Variants in DCBLD2 observed in about 807,000 individuals in gnomAD.
DCBLD2 encodes discoidin, CUB and LCCL domain-containing protein 2.
DCBLD2 carries 54 observed loss-of-function variants against 86.8 expected under a neutral mutation model. The ratio of observed to expected loss-of-function variants is 0.62; its 90% CI spans 0.50 to 0.78. The LOEUF (loss-of-function observed/expected upper bound fraction) is 0.78. Among genes scored for constraint, DCBLD2 ranks in the 30% least tolerant of loss-of-function variants. The pLI is 0.00. For missense variants in DCBLD2, 908 were observed against 954.2 expected (o/e 0.95, Z 0.64); for synonymous variants, 354 against 341.3 (o/e 1.04, Z -0.41).
intron 3 of DCBLD2, among the ~76,000 whole-genome samples, chr3:98,844,274 TTTTA>T (rs1942679110): frequency 6.6e-6 from 1 of 151,992 alleles, no homozygotes; most frequent in Admixed American, 6.6e-5. Flanking sequence ...ATAAAATTCA[TTTTA>T]TTTTTCAATT....
intron 14 of DCBLD2, 137 bp from the exon 15 acceptor site, chr3:98,800,853 C>A: frequency 4.7e-6 from 4 of 842,550 alleles, no homozygotes; most frequent in Non-Finnish European, 7.0e-6. Context: ...TATAATCCAA[C>A]TTTTTTTTTT....
chr3:98,880,982 G>A (rs558839062), intron 2 of DCBLD2, among the ~76,000 whole-genome samples: 6 of 152,136 alleles, frequency 3.9e-5, no homozygotes, highest in Admixed American at 3.3e-4. Flanking sequence ...AGTGGTTTAC[G>A]CCTGTAATCC....
intron 3 of DCBLD2, among the ~76,000 whole-genome samples, chr3:98,826,426 C>T (rs1348356514): frequency 6.6e-6 from 1 of 152,252 alleles, no homozygotes; most frequent in Admixed American, 6.5e-5. Context: ...CTCAGCTTCA[C>T]TGCCACTTCC....
intron 2 of DCBLD2, among the ~76,000 whole-genome samples, chr3:98,866,561 T>C: frequency 6.6e-6 from 1 of 152,170 alleles, no homozygotes; most frequent in East Asian, 1.9e-4. Context: ...GGGGTTGTTT[T>C]TTTCTTGTAA....
chr3:98,846,337 G>C lies in DCBLD2; in HGVS notation c.571+3124C>G, dbSNP rs1942722034. Among the ~76,000 whole-genome samples, 4 of 152,078 alleles carry C rather than the reference G, an allele frequency of 2.6e-5. No homozygotes were observed. The South Asian group carries it at 8.3e-4, about 32-fold the overall frequency. Reference sequence around the variant, plus strand: ...TTCTAGGCTAGGGACATGTAGCTAGGTTCCTTGAAAATATTTATGGAATTC... The same window carrying C: ...TTCTAGGCTAGGGACATGTAGCTAGCTTCCTTGAAAATATTTATGGAATTC... On this transcript the variant is annotated intron_variant, in intron 3 of 15. Coordinates refer to ENST00000326840, the MANE Select transcript of DCBLD2 (RefSeq NM_080927.4).
intron 1 of DCBLD2, among the ~76,000 whole-genome samples, chr3:98,891,097 T>C (rs1943653196): frequency 6.6e-6 from 1 of 151,772 alleles, no homozygotes; most frequent in Admixed American, 6.6e-5. Flanking sequence ...CAGAGAGTCA[T>C]TCCAGGGATG....
intron 3 of DCBLD2, among the ~76,000 whole-genome samples, chr3:98,843,464 C>T (rs1219559868): frequency 6.6e-6 from 1 of 152,086 alleles, no homozygotes; most frequent in Admixed American, 6.5e-5. Flanking sequence ...AAGGAATTCA[C>T]ACTCTATTTT....
intron 2 of DCBLD2, among the ~76,000 whole-genome samples, chr3:98,870,541 G>A (rs1943241557): frequency 6.6e-6 from 1 of 151,558 alleles, no homozygotes; most frequent in African/African-American, 2.4e-5. Flanking sequence ...GCTAAGGCAG[G>A]AGGCTGAGGC....
At chr3:98,842,833 T>C (rs1019987207) in intron 3 of DCBLD2, among the ~76,000 whole-genome samples, 8 of 152,098 alleles carry the variant, frequency 5.3e-5, no homozygotes, top group Non-Finnish European at 1.2e-4. Flanking sequence ...ATAATTATTT[T>C]GTGACCTACA....
At chr3:98,846,794 A>G (rs1381591734) in intron 3 of DCBLD2, among the ~76,000 whole-genome samples, 1 of 152,214 alleles carries the variant, frequency 6.6e-6, no homozygotes, top group Non-Finnish European at 1.5e-5. Context: ...GTCATAGCCA[A>G]TTCTTAAGTA....
intron 5 of DCBLD2, 101 bp from the exon 6 acceptor site, chr3:98,822,462 C>A (rs1942140326): frequency 7.3e-7 from 1 of 1,367,902 alleles, no homozygotes; most frequent in Non-Finnish European, 9.8e-7. Flanking sequence ...TAGGCAGTTT[C>A]TTCATAAACT....
chr3:98,865,399 T>C (rs530425840), intron 2 of DCBLD2, among the ~76,000 whole-genome samples: 1 of 152,238 alleles, frequency 6.6e-6, no homozygotes, highest in Non-Finnish European at 1.5e-5. Flanking sequence ...CCCACTCACA[T>C]GTAGAATCTA....
At position 98,836,519 on chromosome 3, in the gene DCBLD2, C is replaced by T. The variant is rs184990675; in HGVS notation, c.572-11153G>A. On this transcript the variant is annotated intron_variant, in intron 3 of 15. Coordinates refer to ENST00000326840, the MANE Select transcript of DCBLD2 (RefSeq NM_080927.4). ...TTTCTACACAGACACCGCAACCATC[C>T]GATTTCTCAATCTTTTCCCCACCTT... Among the ~76,000 whole-genome samples, 908 of 150,452 alleles carry T rather than the reference C, an allele frequency of 6.0e-3. 4 individuals are homozygous for T. The highest frequency in any genetic ancestry group is 0.021 in the African/African-American group (851 of 41,186).
At chr3:98,819,062 T>C (rs1942071262) in intron 8 of DCBLD2, 140 bp downstream of exon 8, 1 of 854,844 alleles carries the variant, frequency 1.2e-6, no homozygotes, top group African/African-American at 1.7e-5. Flanking sequence ...TCTCTAGTAA[T>C]ATTAACATCA....
chr3:98,855,724 T>G (rs1942921076), intron 2 of DCBLD2, among the ~76,000 whole-genome samples: 1 of 152,202 alleles, frequency 6.6e-6, no homozygotes, highest in Non-Finnish European at 1.5e-5. Context: ...TAGAAAAATT[T>G]ATAGCATTCA....
intron 1 of DCBLD2, among the ~76,000 whole-genome samples, chr3:98,887,419 T>C (rs183623113): frequency 3.0e-4 from 45 of 152,146 alleles, no homozygotes; most frequent in Admixed American, 9.8e-4. Context: ...AGAAGTACTA[T>C]ATCAACCTTG....
chr3:98,839,113 C>CTTTCT (rs1942557207), intron 3 of DCBLD2, among the ~76,000 whole-genome samples: 1 of 105,052 alleles, frequency 9.5e-6, no homozygotes, highest in Non-Finnish European at 2.1e-5. Context: ...TTCTTTCTTT[C>CTTTCT]TTTCTTTTTC....
Position 98,857,830 on chromosome 3 carries a change from G to A in DCBLD2, c.434-8232C>T, listed in dbSNP as rs184549757. On this transcript the variant is annotated intron_variant, in intron 2 of 15. Coordinates refer to ENST00000326840, the MANE Select transcript of DCBLD2 (RefSeq NM_080927.4). The stretch of plus-strand genomic sequence containing the variant: ...AACCTTGAGCTAGATACAGAGTGCC[G>A]ACTGGTGTATTTACAATCCCTTAGC... Among the ~76,000 whole-genome samples, 19 of 152,358 alleles carry A rather than the reference G, an allele frequency of 1.2e-4. No homozygotes were observed. The South Asian group carries it at 1.9e-3, about 15-fold the overall frequency.
At chr3:98,843,204 C>T (rs546368580) in intron 3 of DCBLD2, among the ~76,000 whole-genome samples, 1 of 152,212 alleles carries the variant, frequency 6.6e-6, no homozygotes, top group Admixed American at 6.5e-5. Flanking sequence ...TTATATTATA[C>T]ATACAAACAT....
Sources: gnomAD v4.1 joint callset for allele counts (sites outside exome capture counted in the v4.1 genomes callset) on GRCh38, gnomAD v4.1.1 for gene constraint, MANE v1.5 for transcripts, NCBI Gene and HGNC (gene_info 2026-07-23, HGNC 2026-07-21) for gene names.